Variants in IPO11 observed in about 807,000 individuals in gnomAD.
IPO11 encodes the protein importin-11.
IPO11 carries 66 observed loss-of-function variants against 143.2 expected under a neutral mutation model. That is an observed-to-expected ratio of 0.46 (90% CI 0.38 to 0.57). IPO11 has a LOEUF of 0.57. Among genes scored for constraint, IPO11 ranks in the 20% least tolerant of loss-of-function variants. IPO11 has a pLI of 0.00. For synonymous variants in IPO11, 385 were observed against 377.8 expected, an observed-to-expected ratio of 1.02 and a Z score of -0.22; for missense variants, 1,026 against 1,141.0, an observed-to-expected ratio of 0.90 and a Z score of 1.45.
intron 12 of IPO11, among the ~76,000 whole-genome samples, chr5:62,486,850 T>C (rs1285140025): frequency 6.6e-6 from 1 of 152,166 alleles, no homozygotes; most frequent in Non-Finnish European, 1.5e-5. Context: ...TACTTTAGCT[T>C]CCTGTAAACA....
At chr5:62,534,014 A>G (rs1048548229) in intron 22 of IPO11, among the ~76,000 whole-genome samples, 2 of 152,150 alleles carry the variant, frequency 1.3e-5, no homozygotes, top group Non-Finnish European at 2.9e-5. Context: ...TATAAAGCCA[A>G]CATTATAGAA....
At chr5:62,579,386 CTTCTCT>C (rs1744453210) in intron 27 of IPO11, 1 of 1,506,328 alleles carries the variant, frequency 6.6e-7, no homozygotes, top group Non-Finnish European at 9.0e-7. Flanking sequence ...AAAGCTTTAC[CTTCTCT>C]TTTTATAGCC....
At chr5:62,468,749 T>G (rs1466359118) in intron 6 of IPO11, among the ~76,000 whole-genome samples, 2 of 152,230 alleles carry the variant, frequency 1.3e-5, no homozygotes, top group Non-Finnish European at 2.9e-5. Flanking sequence ...TGCCTTAAGC[T>G]TTTTAATACC....
intron 7 of IPO11, 100 bp downstream of exon 7, chr5:62,470,408 TTTA>T (rs1450236089): frequency 9.7e-7 from 1 of 1,025,778 alleles, no homozygotes; most frequent in East Asian, 2.4e-5. Flanking sequence ...TAGAAGAGTT[TTTA>T]TTAAGTGACC....
intron 29 of IPO11, among the ~76,000 whole-genome samples, chr5:62,619,164 G>T (rs965578751): frequency 6.6e-6 from 1 of 152,128 alleles, no homozygotes; most frequent in Non-Finnish European, 1.5e-5. Flanking sequence ...AGGAGGCGGA[G>T]GCTGTAGTGA....
intron 5 of IPO11, among the ~76,000 whole-genome samples, chr5:62,460,345 A>AT (rs1745311511): frequency 6.6e-6 from 1 of 152,162 alleles, no homozygotes; most frequent in Admixed American, 6.5e-5. Context: ...GTTAAAAAAA[A>AT]ACTAGATTAG....
intron 5 of IPO11, among the ~76,000 whole-genome samples, chr5:62,464,853 A>G (rs1256559464): frequency 1.3e-5 from 2 of 152,212 alleles, no homozygotes; most frequent in Non-Finnish European, 2.9e-5. Flanking sequence ...CTTTTAAACA[A>G]TTTTAATCTA....
At position 62,417,321 on chromosome 5, in the gene IPO11, A is replaced by ATTTTTT. The variant is rs34767317; in HGVS notation, c.-7+4413_-7+4418dup. 1.0e-3 allele frequency among the ~76,000 whole-genome samples: 67 copies of ATTTTTT among 65,338 alleles called. 1 individual carries two copies. The highest frequency in any genetic ancestry group is 4.1e-3 in the African/African-American group (65 of 15,714). 42.9% of individuals were successfully genotyped at this position (65,338 alleles called of 152,430 possible). On this transcript the variant is annotated intron_variant, in intron 1 of 29. Transcript: ENST00000325324. ...ATTTTCTTCACCTCCTTATTGGTTA[A>ATTTTTT]TTTTTTTTTTTTTTTTTTTTTTTTT...
rs911488656 is a variant in IPO11, at chr5:62,456,851, T to C, written c.516+4918T>C. 1.3e-5 allele frequency among the ~76,000 whole-genome samples: 2 copies of C among 152,134 alleles called. 1 individual carries two copies. Among genetic ancestry groups the C allele is most frequent in the African/African-American group, 4.8e-5 (2 of 41,412 alleles). On this transcript the variant is annotated intron_variant, in intron 5 of 29. Transcript: ENST00000325324. Reference sequence around the variant, plus strand: ...GCTCACGCCTGTAATCCTGGCACTTTAGGAGGCTGAGGCGGGTGGATCATG... The same window carrying C: ...GCTCACGCCTGTAATCCTGGCACTTCAGGAGGCTGAGGCGGGTGGATCATG...
chr5:62,483,692 A>G (rs1746295644), intron 10 of IPO11, among the ~76,000 whole-genome samples: 1 of 152,162 alleles, frequency 6.6e-6, no homozygotes, highest in Non-Finnish European at 1.5e-5. Flanking sequence ...TGCCAAGATG[A>G]ATGAAGAAGT....
chr5:62,504,582 G>A, intron 16 of IPO11, 85 bp from the exon 17 acceptor site: 1 of 754,952 alleles, frequency 1.3e-6, no homozygotes, highest in Non-Finnish European at 2.2e-6. Flanking sequence ...TACAGAAAGT[G>A]ATTTGGAATA....
chr5:62,416,343 C>T (rs1045369929), intron 1 of IPO11, among the ~76,000 whole-genome samples: 9 of 151,806 alleles, frequency 5.9e-5, no homozygotes, highest in South Asian at 2.1e-4. Context: ...CCACCACGCC[C>T]GGCTAATTTT....
chr5:62,584,340 T>G (rs1159720124), intron 27 of IPO11, among the ~76,000 whole-genome samples: 1 of 152,006 alleles, frequency 6.6e-6, no homozygotes, highest in Non-Finnish European at 1.5e-5. Context: ...TTCACACCAG[T>G]GATCCCAGCA....
At chr5:62,415,465 T>TA (rs1491493289) in intron 1 of IPO11, among the ~76,000 whole-genome samples, 1 of 75,978 alleles carries the variant, frequency 1.3e-5, no homozygotes, top group Non-Finnish European at 2.4e-5. Context: ...CCGTCTTTAC[T>TA]TTTTTTTTTT....
intron 7 of IPO11, among the ~76,000 whole-genome samples, chr5:62,470,884 G>A (rs113544290): frequency 0.018 from 2,326 of 132,864 alleles, 62 homozygotes; most frequent in African/African-American, 0.063. Context: ...CTGGAGTGCA[G>A]TGGTGCAGTC....
intron 29 of IPO11, among the ~76,000 whole-genome samples, chr5:62,623,796 C>T (rs751629033): frequency 6.6e-6 from 1 of 151,056 alleles, no homozygotes; most frequent in Non-Finnish European, 1.5e-5. Context: ...TTGTATTTTT[C>T]TAGTAGAGAT....
At chr5:62,519,408 C>A (rs1220141276) in intron 20 of IPO11, among the ~76,000 whole-genome samples, 1 of 152,112 alleles carries the variant, frequency 6.6e-6, no homozygotes, top group Non-Finnish European at 1.5e-5. Context: ...GTTTCTCAGT[C>A]TTTCTCACTC....
chr5:62,598,597 T>C (rs1745379610), intron 28 of IPO11, among the ~76,000 whole-genome samples: 1 of 143,104 alleles, frequency 7.0e-6, no homozygotes, highest in Admixed American at 7.3e-5. Context: ...CAGCCTGGAG[T>C]GCAGTGGTGT....
intron 20 of IPO11, among the ~76,000 whole-genome samples, chr5:62,519,584 T>C (rs1219966062): frequency 6.6e-6 from 1 of 152,242 alleles, no homozygotes; most frequent in Non-Finnish European, 1.5e-5. Context: ...TATCATTATG[T>C]CATGATTAAT....
Sources: allele counts gnomAD v4.1 joint callset (sites outside exome capture counted in the v4.1 genomes callset), GRCh38; gene constraint gnomAD v4.1.1; transcripts MANE v1.5; gene names NCBI Gene and HGNC (gene_info 2026-07-23, HGNC 2026-07-21).